SLC30A7: variants seen among roughly 807,000 people sequenced by gnomAD.
SLC30A7 encodes zinc transporter 7.
A neutral mutation model predicts 46.0 loss-of-function variants in SLC30A7; 35 were observed. The observed-to-expected ratio is 0.76, with a 90% CI of 0.58 to 1.01. SLC30A7 has a LOEUF of 1.01. Ranked by LOEUF, SLC30A7 falls within the 50% of genes least tolerant of loss-of-function variation. SLC30A7 has a pLI of 0.00. For missense variants in SLC30A7, 464 were observed against 451.1 expected (o/e 1.03, Z -0.26); for synonymous variants, 147 against 157.8 (o/e 0.93, Z 0.51).
At chr1:100,972,728 C>T (rs976961857) in intron 10 of SLC30A7, 1 of 152,050 alleles carries the variant, frequency 6.6e-6, no homozygotes, top group African/African-American at 2.4e-5. Context: ...TTTCAGGTGT[C>T]ATCTGGATAA....
At chr1:100,966,783 T>A (rs2101093285) in intron 10 of SLC30A7, among the ~76,000 whole-genome samples, 1 of 152,326 alleles carries the variant, frequency 6.6e-6, no homozygotes, top group African/African-American at 2.4e-5. Context: ...TAGGTACTAT[T>A]TGAAGCCAAG....
chr1:100,937,322 T>C (rs1654031171), intron 8 of SLC30A7, among the ~76,000 whole-genome samples: 1 of 152,174 alleles, frequency 6.6e-6, no homozygotes, highest in African/African-American at 2.4e-5. Flanking sequence ...ATATGGTAAT[T>C]CTGTTTTTAA....
At chr1:100,981,948 A>C (rs1656960201), downstream of SLC30A7, among the ~76,000 whole-genome samples, 1 of 152,202 alleles carries the variant, frequency 6.6e-6, no homozygotes, top group African/African-American at 2.4e-5. Context: ...GAACAGCCTC[A>C]TTGTGGCTCT....
intron 8 of SLC30A7, among the ~76,000 whole-genome samples, chr1:100,928,422 G>C (rs1333142799): frequency 1.3e-5 from 2 of 152,076 alleles, no homozygotes; most frequent in Admixed American, 1.3e-4. Context: ...TAGAGAAGAG[G>C]CTGAGGATTT....
chr1:100,968,674 A>G (rs1313115335), intron 10 of SLC30A7, among the ~76,000 whole-genome samples: 1 of 152,070 alleles, frequency 6.6e-6, no homozygotes, highest in African/African-American at 2.4e-5. Flanking sequence ...TACTCTAACT[A>G]AAATATCCAA....
intron 10 of SLC30A7, among the ~76,000 whole-genome samples, chr1:100,966,494 A>G (rs1655883939): frequency 1.3e-5 from 2 of 151,782 alleles, no homozygotes; most frequent in African/African-American, 4.8e-5. Flanking sequence ...CTGAGGCAGG[A>G]GAATGGCATG....
chr1:100,943,786 TATGTGG>T lies in SLC30A7; in HGVS notation c.843-18041_843-18036del, dbSNP rs552066175. On this transcript the variant is annotated intron_variant, in intron 8 of 10. Transcript: ENST00000357650. ...TAAAAAGGAGAATAAAGATGATCTT[TATGTGG>T]TAATGTGGTATGATTTTCAAGAATA... Among the ~76,000 whole-genome samples the T allele has an allele frequency of 2.3e-3, 350 of 152,324 alleles. 4 individuals carry two copies. Among genetic ancestry groups the T allele is most frequent in the African/African-American group, 8.1e-3 (337 of 41,572 alleles).
chr1:100,934,510 T>C (rs182977123), intron 8 of SLC30A7, among the ~76,000 whole-genome samples: 10 of 152,226 alleles, frequency 6.6e-5, no homozygotes, highest in East Asian at 1.9e-4. Flanking sequence ...TTTCATATTA[T>C]GGTAAAAAGA....
chr1:100,903,202 C>G (rs376611267), intron 2 of SLC30A7, among the ~76,000 whole-genome samples: 9 of 152,004 alleles, frequency 5.9e-5, no homozygotes, highest in African/African-American at 2.2e-4. Context: ...GAACACAACT[C>G]TATCATTTTA....
the SLC30A7 span, among the ~76,000 whole-genome samples, chr1:100,988,455 T>C: frequency 3.9e-5 from 6 of 152,362 alleles, no homozygotes; most frequent in African/African-American, 1.2e-4. Context: ...AGTCCTTCAT[T>C]ATATAGTTCT....
At chr1:100,988,017 G>A in the SLC30A7 span, among the ~76,000 whole-genome samples, 29 of 152,086 alleles carry the variant, frequency 1.9e-4, no homozygotes, top group African/African-American at 7.0e-4. Flanking sequence ...ATAGAAAACA[G>A]CCGTCTCTGT....
intron 4 of SLC30A7, 76 bp downstream of exon 4, chr1:100,911,226 A>C: frequency 1.0e-6 from 1 of 995,834 alleles, no homozygotes; most frequent in Non-Finnish European, 1.5e-6. Flanking sequence ...GATATATGTA[A>C]GTTTTTTTCA....
chr1:100,945,038 A>G (rs1298027961), intron 8 of SLC30A7, among the ~76,000 whole-genome samples: 1 of 152,232 alleles, frequency 6.6e-6, no homozygotes, highest in Non-Finnish European at 1.5e-5. Context: ...TCTGATGGCC[A>G]GTGATGATGA....
intron 9 of SLC30A7, 114 bp from the exon 10 acceptor site, chr1:100,965,655 C>G (rs781350044): frequency 3.5e-6 from 3 of 866,060 alleles, no homozygotes; most frequent in Non-Finnish European, 5.6e-6. Flanking sequence ...TCCTCCTTTC[C>G]TTTTTTTAAA....
intron 8 of SLC30A7, among the ~76,000 whole-genome samples, chr1:100,958,956 T>C (rs1655390503): frequency 1.3e-5 from 2 of 152,156 alleles, no homozygotes; most frequent in African/African-American, 2.4e-5. Flanking sequence ...TCAGGAAATA[T>C]ACCCTAAAAG....
chr1:100,912,378 A>T (rs1332184644), intron 5 of SLC30A7, 140 bp downstream of exon 5: 1 of 956,970 alleles, frequency 1.0e-6, no homozygotes, highest in African/African-American at 1.6e-5. Context: ...TATCCCTTTC[A>T]CTTCTTTATG....
chr1:100,960,683 G>A (rs1475337287), intron 8 of SLC30A7, among the ~76,000 whole-genome samples: 1 of 152,106 alleles, frequency 6.6e-6, no homozygotes, highest in Non-Finnish European at 1.5e-5. Flanking sequence ...AAGTTTAAAA[G>A]TGAGCACTGA....
intron 8 of SLC30A7, among the ~76,000 whole-genome samples, chr1:100,956,103 G>A (rs1165103788): frequency 6.6e-6 from 1 of 151,932 alleles, no homozygotes; most frequent in Admixed American, 6.5e-5. Flanking sequence ...ATGAAAAAAA[G>A]AGATAAAAAT....
rs182410681 is a variant in SLC30A7, at chr1:100,934,953, G to T, written c.842+13112G>T. Among the ~76,000 whole-genome samples, 319 of 152,010 alleles carry T rather than the reference G, an allele frequency of 2.1e-3. 3 individuals are homozygous for T. The highest frequency in any genetic ancestry group is 7.3e-3 in the African/African-American group (302 of 41,450). Reference sequence around the variant, plus strand: ...CGAGGCTGCAGTGAGTCGTGATCACGCCACTGCCACTGCACTCCAGCCTGG... The same window carrying T: ...CGAGGCTGCAGTGAGTCGTGATCACTCCACTGCCACTGCACTCCAGCCTGG... On this transcript the variant is annotated intron_variant, in intron 8 of 10. Coordinates refer to ENST00000357650, the MANE Select transcript of SLC30A7 (RefSeq NM_133496.5).
Sources: gnomAD v4.1 joint callset for allele counts (sites outside exome capture counted in the v4.1 genomes callset) on GRCh38, gnomAD v4.1.1 for gene constraint, MANE v1.5 for transcripts, NCBI Gene and HGNC (gene_info 2026-07-23, HGNC 2026-07-21) for gene names.